The following NFYC variants were observed in gnomAD, a reference collection of about 807,000 sequenced individuals.
NFYC encodes nuclear transcription factor Y subunit gamma.
A neutral mutation model predicts 53.1 loss-of-function variants in NFYC; 25 were observed. The ratio of observed to expected loss-of-function variants is 0.47; its 90% CI spans 0.34 to 0.66. The LOEUF (loss-of-function observed/expected upper bound fraction) is 0.66. Among genes scored for constraint, NFYC ranks in the 30% least tolerant of loss-of-function variants. The probability of loss-of-function intolerance (pLI) is 0.01; values close to 1 mark genes in which losing one functional copy is unlikely to be tolerated. For missense variants in NFYC, 260 were observed against 422.7 expected (o/e 0.62, Z 3.38); for synonymous variants, 145 against 152.6 (o/e 0.95, Z 0.37).
chr1:40,758,150 C>G lies in NFYC; in HGVS notation c.417C>G (p.Ala139=), dbSNP rs142039630. ...AGGTGCGCCAGTCTGTAACTCCTGC[C>G]GAGCCAGTCCAGTACTATTTCACGC... is the stretch of plus-strand genomic sequence containing the variant. ...QEEVRQSVTP[A]EPVQYYFTLA... Residue 139 remains alanine, a synonymous_variant, in exon 6 of 10, where the codon GCC becomes GCG. Coordinates refer to ENST00000447388, the MANE Select transcript of NFYC (RefSeq NM_014223.5). The G allele has an allele frequency of 8.1e-6, 13 of 1,609,218 alleles. No individual in the cohort carries two copies. The East Asian group carries it at 9.0e-5, about 11-fold the overall frequency.
At chr1:40,730,729 G>A (rs1644732155) in intron 1 of NFYC, 2 of 201,412 alleles carry the variant, frequency 9.9e-6, no homozygotes, top group Non-Finnish European at 1.8e-5. Flanking sequence ...CATTAAAGGG[G>A]AATGATAATA....
intron 1 of NFYC, among the ~76,000 whole-genome samples, chr1:40,694,837 T>C (rs950953462): frequency 1.3e-5 from 2 of 152,192 alleles, no homozygotes; most frequent in Admixed American, 1.3e-4. Flanking sequence ...GAACCTCAGC[T>C]TTTTCTTCAG....
chr1:40,735,925 G>T (rs1007537333), intron 1 of NFYC, among the ~76,000 whole-genome samples: 4 of 152,168 alleles, frequency 2.6e-5, no homozygotes, highest in East Asian at 1.9e-4. Context: ...TAATTTTTTT[G>T]TTGTTGTTCT....
At chr1:40,733,232 T>C (rs557256479) in intron 1 of NFYC, among the ~76,000 whole-genome samples, 22 of 152,094 alleles carry the variant, frequency 1.4e-4, no homozygotes, top group Admixed American at 1.1e-3. Context: ...ACAATGATTG[T>C]ACAAGGTAAT....
intron 1 of NFYC, among the ~76,000 whole-genome samples, chr1:40,738,399 T>A (rs1446431744): frequency 3.3e-5 from 5 of 152,170 alleles, no homozygotes; most frequent in Non-Finnish European, 5.9e-5. Flanking sequence ...ACTTTTAATA[T>A]AAGAATTTGC....
At chr1:40,749,509 C>G in intron 3 of NFYC, 64 bp from the exon 4 acceptor site, 1 of 1,310,480 alleles carries the variant, frequency 7.6e-7, no homozygotes, top group Non-Finnish European at 1.1e-6. Flanking sequence ...GGCAATGAGG[C>G]AAGAGACAGA....
intron 1 of NFYC, among the ~76,000 whole-genome samples, chr1:40,736,164 A>G (rs984199625): frequency 2.0e-5 from 3 of 152,162 alleles, no homozygotes; most frequent in Non-Finnish European, 4.4e-5. Context: ...TTGGCTCCAA[A>G]CCTATTCCCA....
Position 40,720,388 on chromosome 1 carries a change from C to G in NFYC, c.-8-18448C>G, listed in dbSNP as rs570560061. On this transcript the variant is annotated intron_variant, in intron 1 of 9. Transcript: ENST00000447388. The stretch of plus-strand genomic sequence containing the variant: ...ACAATCTCCCATTTTTCAGTGGAGC[C>G]GATGATTAGATAATTGTCTACATTT... Among the ~76,000 whole-genome samples, 7 of 152,260 alleles carry G rather than the reference C, an allele frequency of 4.6e-5. No individual in the cohort carries two copies. The East Asian group carries it at 1.3e-3, about 29-fold the overall frequency.
At chr1:40,744,792 A>G (rs955901422) in intron 2 of NFYC, among the ~76,000 whole-genome samples, 1 of 152,222 alleles carries the variant, frequency 6.6e-6, no homozygotes, top group Non-Finnish European at 1.5e-5. Flanking sequence ...CTTCAGTTAC[A>G]TGGTAGCTAG....
chr1:40,752,221 C>G (rs548926311), intron 4 of NFYC, among the ~76,000 whole-genome samples: 1 of 152,280 alleles, frequency 6.6e-6, no homozygotes, highest in Non-Finnish European at 1.5e-5. Context: ...ATTCTCATAT[C>G]TGTTTATCCC....
intron 2 of NFYC, 99 bp from the exon 3 acceptor site, chr1:40,747,435 A>T (rs1645673095): frequency 1.3e-6 from 1 of 773,770 alleles, no homozygotes; most frequent in Admixed American, 2.2e-5. Context: ...ACGCTTCCTG[A>T]AGAGAGGGAC....
chr1:40,713,808 T>G (rs998842563), intron 1 of NFYC, among the ~76,000 whole-genome samples: 1 of 152,262 alleles, frequency 6.6e-6, no homozygotes, highest in Non-Finnish European at 1.5e-5. Context: ...ATTTTTCATG[T>G]TTCTTTTCTT....
intron 1 of NFYC, chr1:40,695,717 A>T (rs777954346): frequency 2.0e-5 from 3 of 152,030 alleles, no homozygotes; most frequent in African/African-American, 7.3e-5. Flanking sequence ...CACCGTGCCC[A>T]GCCAGGCTAT....
chr1:40,712,192 C>T (rs1643949424), intron 1 of NFYC, among the ~76,000 whole-genome samples: 1 of 152,080 alleles, frequency 6.6e-6, no homozygotes, highest in South Asian at 2.1e-4. Context: ...TTAGTTTAAA[C>T]CTGACACATT....
chr1:40,769,499 G>A (rs1646979712), intron 9 of NFYC, 84 bp downstream of exon 9: 1 of 1,192,776 alleles, frequency 8.4e-7, no homozygotes, highest in Non-Finnish European at 1.3e-6. Flanking sequence ...GATGGTTAGG[G>A]CAACTGTCCT....
chr1:40,739,069 C>A, intron 2 of NFYC, 121 bp downstream of exon 2: 1 of 693,896 alleles, frequency 1.4e-6, no homozygotes, highest in East Asian at 2.7e-5. Context: ...AGGCATGGTT[C>A]ACCCCTGACC....
At chr1:40,747,707 C>T (rs1199791200) in intron 3 of NFYC, 102 bp downstream of exon 3, 6 of 757,420 alleles carry the variant, frequency 7.9e-6, no homozygotes, top group Admixed American at 2.6e-5. Flanking sequence ...CAAGAACACA[C>T]AAAAATTACT....
Position 40,770,694 on chromosome 1 carries a change from C to T in NFYC, c.889-15C>T, listed in dbSNP as rs754403549. ...CCCAGGGATGACCTCACTCTCTCCT[C>T]TCCACCCCTCGCAGCAGCTCTACCA... On this transcript the variant is annotated splice_polypyrimidine_tract_variant and intron_variant, in intron 9 of 9. Transcript: ENST00000447388. This position sits in a 1 kb window ranked among gnomAD's most constrained non-coding sequence, Gnocchi z 5.3. The T allele has an allele frequency of 6.2e-7, 1 of 1,614,050 alleles. No homozygotes were observed. Among genetic ancestry groups the T allele is most frequent in the Non-Finnish European group, 8.5e-7 (1 of 1,180,040 alleles).
chr1:40,715,806 A>C (rs1237459897), intron 1 of NFYC, among the ~76,000 whole-genome samples: 1 of 152,210 alleles, frequency 6.6e-6, no homozygotes, highest in African/African-American at 2.4e-5. Flanking sequence ...TAAAGGAAGA[A>C]CTAAAGAAAA....
Sources: allele counts gnomAD v4.1 joint callset (sites outside exome capture counted in the v4.1 genomes callset), GRCh38; gene constraint gnomAD v4.1.1; non-coding constraint Gnocchi (gnomAD v3.1); transcripts MANE v1.5; gene names NCBI Gene and HGNC (gene_info 2026-07-23, HGNC 2026-07-21).